AGAP3: variants seen among roughly 807,000 people sequenced by gnomAD.
AGAP3 encodes the protein ArfGAP with GTPase domain, ankyrin repeat and PH domain 3, also known as arf-GAP with GTPase, ANK repeat and PH domain-containing protein 3.
A neutral mutation model predicts 96.9 loss-of-function variants in AGAP3; 24 were observed. That is an observed-to-expected ratio of 0.25 (90% confidence interval 0.18 to 0.35). The LOEUF (loss-of-function observed/expected upper bound fraction) is 0.35. Among genes scored for constraint, AGAP3 ranks in the 10% least tolerant of loss-of-function variants. The pLI, the probability that AGAP3 is intolerant of heterozygous loss-of-function variation, is 1.00. For synonymous variants in AGAP3, 563 were observed against 536.1 expected (o/e 1.05, Z -0.69); for missense variants, 876 against 1,254.2 (o/e 0.70, Z 4.55).
chr7:151,091,038 G>C (rs1798377649), intron 1 of AGAP3, among the ~76,000 whole-genome samples: 1 of 152,264 alleles, frequency 6.6e-6, no homozygotes, highest in Non-Finnish European at 1.5e-5. Context: ...TAGTGTTTGT[G>C]TCTGTTTCTG....
chr7:151,135,719 T>C (rs1392370513), intron 11 of AGAP3, among the ~76,000 whole-genome samples: 1 of 152,208 alleles, frequency 6.6e-6, no homozygotes, highest in Non-Finnish European at 1.5e-5. Flanking sequence ...CTGACACAAC[T>C]GAGATGTACC....
In AGAP3 at chr7:151,140,037, C is replaced by T; in HGVS notation, c.1725C>T (p.Pro575=). 1.2e-6 allele frequency: 2 copies of T among 1,606,334 alleles called. No homozygotes were observed. Among genetic ancestry groups the T allele is most frequent in the African/African-American group, 2.7e-5 (2 of 74,672 alleles). The change falls in exon 13 of 18, where the codon CCC becomes CCT. Residue 575 remains proline (P), a synonymous_variant. Transcript: ENST00000397238. This position sits in a 1 kb window ranked among gnomAD's most constrained non-coding sequence, Gnocchi z 5.4. ...CCAAGCTGGATCCTCCCCCATCTCC[C>T]CACTCCAACCGGAAGAAGCACCGGA... The part of the protein sequence containing the change: ...SSPKLDPPPS[P]HSNRKKHRRK...
chr7:151,123,235 C>T (rs1800000304), intron 8 of AGAP3: 3 of 1,069,284 alleles, frequency 2.8e-6, no homozygotes, highest in African/African-American at 1.7e-5. Flanking sequence ...CTCTTTTTGG[C>T]CTCCCCCTAT....
At chr7:151,101,832 G>T (rs913553293) in intron 1 of AGAP3, among the ~76,000 whole-genome samples, 1 of 152,178 alleles carries the variant, frequency 6.6e-6, no homozygotes, top group Non-Finnish European at 1.5e-5. Context: ...CCCAGGCCTC[G>T]GGGTGAGAGA....
At chr7:151,119,935 C>G (rs1799790426) in intron 7 of AGAP3, 52 bp from the exon 8 acceptor site, 1 of 1,591,790 alleles carries the variant, frequency 6.3e-7, no homozygotes, top group Non-Finnish European at 8.6e-7. Context: ...CCGCCTGGTG[C>G]CCGTCCCGCC....
At chr7:151,121,846 T>C (rs1280024529) in intron 8 of AGAP3, among the ~76,000 whole-genome samples, 3 of 152,198 alleles carry the variant, frequency 2.0e-5, no homozygotes, top group East Asian at 1.9e-4. Context: ...CCTCTCATCA[T>C]TGCTGTTGGG....
intron 8 of AGAP3, chr7:151,121,005 G>C (rs540944993): frequency 1.5e-5 from 4 of 270,834 alleles, no homozygotes; most frequent in Non-Finnish European, 2.4e-5. Context: ...GAGAGCGCCC[G>C]CCCCTCCGCG....
intron 1 of AGAP3, among the ~76,000 whole-genome samples, chr7:151,095,201 G>A (rs531266044): frequency 8.5e-5 from 13 of 152,228 alleles, no homozygotes; most frequent in South Asian, 6.2e-4. Flanking sequence ...TTTCTACAAC[G>A]TACATTTCTC....
rs1180201200 is a variant in AGAP3, at chr7:151,139,430, G to C, written c.1667-549G>C. On this transcript the variant is annotated intron_variant, in intron 12 of 17. Coordinates refer to ENST00000397238, the MANE Select transcript of AGAP3 (RefSeq NM_031946.7). The surrounding 1 kb of genome is among the most constrained non-coding windows in gnomAD (Gnocchi z 4.9). Reference sequence around the variant, plus strand: ...GGTCCGGTGGCCTGTGCTGGCCTGCGTGAGGGCCCTCTGTTGAGTCTGGAA... The same window carrying C: ...GGTCCGGTGGCCTGTGCTGGCCTGCCTGAGGGCCCTCTGTTGAGTCTGGAA... 6.6e-6 allele frequency: 1 copy of C among 152,328 alleles called. No individual in the cohort carries two copies. The highest frequency in any genetic ancestry group is 1.5e-5 in the Non-Finnish European group (1 of 68,136). 9.4% of individuals were successfully genotyped at this position (152,328 alleles called of 1,614,324 possible). A position where few individuals can be genotyped will look rare whatever the true frequency, so the allele number is the denominator to read the frequency against.
chr7:151,118,494 G>A lies in AGAP3; in HGVS notation c.842-11G>A. 5 of 1,614,112 alleles carry A rather than the reference G, an allele frequency of 3.1e-6. No individual in the cohort carries two copies. The highest frequency in any genetic ancestry group is 4.2e-6 in the Non-Finnish European group (5 of 1,179,980). ...TCCAGTGGGTATAATTGACTCTGCT[G>A]TCCCCTGCAGTGGCCCAGAAGGTAG... On this transcript the variant is annotated splice_polypyrimidine_tract_variant and intron_variant, in intron 6 of 17. Coordinates refer to ENST00000397238, the MANE Select transcript of AGAP3 (RefSeq NM_031946.7). The surrounding 1 kb of genome is among the most constrained non-coding windows in gnomAD (Gnocchi z 6.1).
chr7:151,119,900 C>CG (rs1799787842), intron 7 of AGAP3, 87 bp from the exon 8 acceptor site: 1 of 1,368,614 alleles, frequency 7.3e-7, no homozygotes. Context: ...GGCCAGGCCC[C>CG]CATTAGCACA....
At chr7:151,095,009 G>A (rs184328297) in intron 1 of AGAP3, among the ~76,000 whole-genome samples, 24 of 151,278 alleles carry the variant, frequency 1.6e-4, no homozygotes, top group African/African-American at 5.8e-4. Context: ...TGAGTAGCTG[G>A]GACTCAGGCA....
intron 7 of AGAP3, 80 bp from the exon 8 acceptor site, chr7:151,119,907 C>A: frequency 6.9e-7 from 1 of 1,455,286 alleles, no homozygotes; most frequent in Non-Finnish European, 9.4e-7. Context: ...CCCCCATTAG[C>A]ACAGGGATTC....
intron 8 of AGAP3, chr7:151,123,135 C>T (rs1799992783): frequency 1.4e-5 from 15 of 1,103,160 alleles, no homozygotes; most frequent in Non-Finnish European, 1.4e-5. Flanking sequence ...CTTTCCTGCC[C>T]CTCCCCTCCT....
In AGAP3 at chr7:151,118,609, A is replaced by G. The variant is rs200887887; in HGVS notation, c.946A>G (p.Ile316Val). Residue 316 changes from isoleucine (I) to valine (V), a missense_variant, in exon 7 of 18, where the codon ATC (isoleucine) becomes GTC (valine). Ile to Val is a conservative substitution (Grantham distance 29). Transcript: ENST00000397238. This position sits in a 1 kb window ranked among gnomAD's most constrained non-coding sequence, Gnocchi z 6.1. ...PSHSAVSAAS[I>V]PAVHINQATN... ...CCACTCGGCCGTGTCCGCCGCCTCC[A>G]TCCCGGCCGTGCACATCAACCAGGT... The G allele has an allele frequency of 2.6e-4, 416 of 1,613,514 alleles. 1 individual carries two copies. The highest frequency in any genetic ancestry group is 2.7e-4 in the Non-Finnish European group (323 of 1,179,980).
chr7:151,123,140 C>A, intron 8 of AGAP3: 2 of 1,101,498 alleles, frequency 1.8e-6, no homozygotes, highest in South Asian at 6.0e-5. Context: ...CTGCCCCTCC[C>A]CTCCTCTGCT....
chr7:151,093,270 A>G (rs537586919), intron 1 of AGAP3, among the ~76,000 whole-genome samples: 2 of 152,244 alleles, frequency 1.3e-5, no homozygotes, highest in East Asian at 3.9e-4. Flanking sequence ...TCTCCCAGGT[A>G]GCAGAGACTG....
In AGAP3 at chr7:151,141,970, C is replaced by T. The variant is rs1800831027; in HGVS notation, c.1877C>T (p.Ala626Val). Residue 626 changes from alanine (A) to valine (V), a missense_variant, in exon 14 of 18, where the codon GCG becomes GTG. Ala to Val is a moderately conservative substitution (Grantham distance 64). Coordinates refer to ENST00000397238, the MANE Select transcript of AGAP3 (RefSeq NM_031946.7). The surrounding 1 kb of genome is among the most constrained non-coding windows in gnomAD (Gnocchi z 4.2). ...GQTWHFEAST[A>V]EERELWVQSV... ...ACGTGGCACTTCGAGGCTTCAACGG[C>T]GGAGGAGCGGGAGCTGTGGGTTCAG... The T allele has an allele frequency of 6.8e-6, 11 of 1,614,016 alleles. No individual in the cohort carries two copies. The highest frequency in any genetic ancestry group is 1.3e-5 in the African/African-American group (1 of 74,904).
chr7:151,094,447 T>C, intron 1 of AGAP3, among the ~76,000 whole-genome samples: 1 of 146,566 alleles, frequency 6.8e-6, no homozygotes, highest in South Asian at 2.2e-4. Flanking sequence ...CTGCCCCACT[T>C]CCCCGGCACC....
Sources: gnomAD v4.1 joint callset for allele counts (sites outside exome capture counted in the v4.1 genomes callset) on GRCh38, gnomAD v4.1.1 for gene constraint, Gnocchi (gnomAD v3.1) non-coding constraint, MANE v1.5 for transcripts, NCBI Gene and HGNC (gene_info 2026-07-23, HGNC 2026-07-21) for gene names.